PRELID2: variants seen among roughly 807,000 people sequenced by gnomAD.
The protein encoded by PRELID2 is PRELI domain containing 2.
PRELID2 carries 25 observed loss-of-function variants against 28.4 expected under a neutral mutation model. The observed-to-expected ratio is 0.88, with a 90% CI of 0.64 to 1.23. The LOEUF (loss-of-function observed/expected upper bound fraction) is 1.23, where lower values mean the gene tolerates loss of function less well. PRELID2 is among the 50% of genes most tolerant of loss of function. The pLI is 0.00. For missense variants in PRELID2, 201 were observed against 214.4 expected, an observed-to-expected ratio of 0.94 and a Z score of 0.39; for synonymous variants, 76 against 71.6, an observed-to-expected ratio of 1.06 and a Z score of -0.31.
chr5:145,660,147 A>C (rs1209120287), intron 1 of PRELID2, among the ~76,000 whole-genome samples: 1 of 152,180 alleles, frequency 6.6e-6, no homozygotes, highest in Non-Finnish European at 1.5e-5. Flanking sequence ...CTAAGGATTC[A>C]TAGTGAAGGA....
chr5:145,744,374 C>T (rs927977903), intron 1 of PRELID2, among the ~76,000 whole-genome samples: 1 of 152,210 alleles, frequency 6.6e-6, no homozygotes, highest in African/African-American at 2.4e-5. Context: ...TAAATGGGTC[C>T]CGTTCCCTGT....
chr5:145,643,442 A>T (rs369768161), intron 1 of PRELID2, among the ~76,000 whole-genome samples: 1 of 152,216 alleles, frequency 6.6e-6, no homozygotes, highest in African/African-American at 2.4e-5. Flanking sequence ...TAAATATAGA[A>T]TCATGTCATC....
chr5:145,600,436 T>A (rs867334164), intron 1 of PRELID2, among the ~76,000 whole-genome samples: 6,709 of 121,996 alleles, frequency 0.055, 195 homozygotes, highest in Middle Eastern at 0.09. Flanking sequence ...AAAAAAAAAA[T>A]ATATATATAT....
intron 1 of PRELID2, among the ~76,000 whole-genome samples, chr5:145,750,332 C>G (rs1757094230): frequency 6.6e-6 from 1 of 151,750 alleles, no homozygotes; most frequent in Non-Finnish European, 1.5e-5. Context: ...ACTATTGTTA[C>G]TCCCTCACAT....
At chr5:145,573,292 A>C (rs1753030681) in intron 1 of PRELID2, among the ~76,000 whole-genome samples, 1 of 151,724 alleles carries the variant, frequency 6.6e-6, no homozygotes, top group African/African-American at 2.4e-5. Context: ...CTAGTCCCCA[A>C]ATAATTGGAA....
At chr5:145,572,832 G>A (rs183147927) in intron 1 of PRELID2, among the ~76,000 whole-genome samples, 18 of 152,180 alleles carry the variant, frequency 1.2e-4, no homozygotes, top group African/African-American at 3.1e-4. Flanking sequence ...CTGGTTCTTC[G>A]TCTTCACTGA....
At chr5:145,294,258 AAT>A in the PRELID2 span, among the ~76,000 whole-genome samples, 1 of 152,176 alleles carries the variant, frequency 6.6e-6, no homozygotes, top group Non-Finnish European at 1.5e-5. Flanking sequence ...ATTTAGCAAT[AAT>A]GACTAACATC....
intron 1 of PRELID2, among the ~76,000 whole-genome samples, chr5:145,678,207 G>A (rs980041642): frequency 7.2e-5 from 11 of 152,144 alleles, no homozygotes; most frequent in African/African-American, 2.4e-4. Context: ...CAAGATAATT[G>A]CTTAGGCATC....
rs78691340 is a variant in PRELID2 at position 145,561,559 on chromosome 5, C to T, written n.71-88244G>A. Among the ~76,000 whole-genome samples the T allele has an allele frequency of 7.4e-4, 112 of 152,274 alleles. 2 individuals carry two copies. The East Asian group carries it at 0.021, about 29-fold the overall frequency. On this transcript the variant is annotated intron_variant and non_coding_transcript_variant, in intron 1 of 2. Transcript: ENST00000510259. ...CTAGGTGCCAGTTTGAACAGGAAGG[C>T]ACTATATAAGTCATTGAGTCCATGC...
the PRELID2 span, among the ~76,000 whole-genome samples, chr5:145,414,299 T>C: frequency 3.9e-5 from 6 of 152,294 alleles, no homozygotes; most frequent in East Asian, 1.9e-4. Flanking sequence ...GTGTTTTCTA[T>C]AGAATCTTGG....
intron 1 of PRELID2, among the ~76,000 whole-genome samples, chr5:145,581,557 C>A (rs531411902): frequency 6.6e-6 from 1 of 152,168 alleles, no homozygotes; most frequent in Non-Finnish European, 1.5e-5. Context: ...CAGGTCATAT[C>A]CTTTCCTATT....
chr5:145,624,632 G>A (rs925406527), intron 1 of PRELID2, among the ~76,000 whole-genome samples: 1 of 152,062 alleles, frequency 6.6e-6, no homozygotes, highest in Non-Finnish European at 1.5e-5. Flanking sequence ...AAACAAAACT[G>A]TAAAGCTTTT....
At chr5:145,747,163 G>A (rs927499870) in intron 1 of PRELID2, among the ~76,000 whole-genome samples, 1 of 148,870 alleles carries the variant, frequency 6.7e-6, no homozygotes, top group African/African-American at 2.5e-5. Context: ...GCTAGCAGAA[G>A]ACAAGAAATA....
chr5:145,590,860 T>G (rs1346921306), intron 1 of PRELID2, among the ~76,000 whole-genome samples: 1 of 152,114 alleles, frequency 6.6e-6, no homozygotes, highest in African/African-American at 2.4e-5. Flanking sequence ...ATGAATACAG[T>G]AAGATAGAAT....
intron 1 of PRELID2, among the ~76,000 whole-genome samples, chr5:145,672,332 G>A (rs2149683778): frequency 6.6e-6 from 1 of 152,228 alleles, no homozygotes; most frequent in Admixed American, 6.5e-5. Context: ...GACCTAGGCT[G>A]TAATTTGGGG....
At chr5:145,734,126 T>C (rs1756427929) in intron 1 of PRELID2, among the ~76,000 whole-genome samples, 1 of 152,084 alleles carries the variant, frequency 6.6e-6, no homozygotes, top group Non-Finnish European at 1.5e-5. Flanking sequence ...TTTTTTTAAA[T>C]ATTTTTAAAG....
the PRELID2 span, among the ~76,000 whole-genome samples, chr5:145,263,005 T>C: frequency 6.6e-6 from 1 of 152,126 alleles, no homozygotes; most frequent in Admixed American, 6.5e-5. Context: ...CAATATTGCA[T>C]GCTCATAGAA....
chr5:145,556,177 C>CAAAAAAAA (rs1231402100), intron 1 of PRELID2, among the ~76,000 whole-genome samples: 1 of 61,198 alleles, frequency 1.6e-5, no homozygotes, highest in African/African-American at 5.0e-5. Context: ...GACTCTATCT[C>CAAAAAAAA]AAAAAAAAAA....
intron 1 of PRELID2, among the ~76,000 whole-genome samples, chr5:145,489,376 T>C (rs1752248230): frequency 6.6e-6 from 1 of 152,186 alleles, no homozygotes; most frequent in Admixed American, 6.5e-5. Flanking sequence ...GTGATAGTAA[T>C]ACTGTTAATA....
Sources: gnomAD v4.1 joint callset for allele counts (sites outside exome capture counted in the v4.1 genomes callset) on GRCh38, gnomAD v4.1.1 for gene constraint, MANE v1.5 for transcripts, NCBI Gene and HGNC (gene_info 2026-07-23, HGNC 2026-07-21) for gene names.